RBFOX1: variants seen among roughly 807,000 people sequenced by gnomAD.
The protein encoded by RBFOX1 is RNA binding protein fox-1 homolog 1.
RBFOX1 carries 8 observed loss-of-function variants against 57.7 expected under a neutral mutation model. That is an observed-to-expected ratio of 0.14 (90% CI 0.08 to 0.25). The LOEUF (loss-of-function observed/expected upper bound fraction) is 0.25. RBFOX1 is among the 10% of genes least tolerant of loss of function. RBFOX1 has a pLI of 1.00. For missense variants in RBFOX1, 611 were observed against 548.5 expected (o/e 1.11, Z -1.14); for synonymous variants, 326 against 222.4 (o/e 1.47, Z -4.15).
chr16:5,758,023 C>G (rs1410202272), intron 3 of RBFOX1, among the ~76,000 whole-genome samples: 1 of 152,200 alleles, frequency 6.6e-6, no homozygotes, highest in Admixed American at 6.5e-5. Context: ...AAAAACATCT[C>G]TGGAACTTGC....
In RBFOX1 at chr16:7,010,911, G is replaced by A. The variant is rs554039791; in HGVS notation, c.-15-41146G>A. ...TTTCTTGAGCAGAAGATAGTGTGCT[G>A]ATAAAGTTCTCCCACCAAAGTGAGT... On this transcript the variant is annotated intron_variant, in intron 3 of 15. Transcript: ENST00000550418. 2.6e-5 allele frequency among the ~76,000 whole-genome samples: 4 copies of A among 152,296 alleles called. No individual in the cohort carries two copies. The East Asian group carries it at 7.7e-4, about 29-fold the overall frequency.
At chr16:6,521,894 G>A (rs1007159691) in intron 2 of RBFOX1, among the ~76,000 whole-genome samples, 1 of 152,106 alleles carries the variant, frequency 6.6e-6, no homozygotes, top group Non-Finnish European at 1.5e-5. Context: ...TTTAATCTGT[G>A]TTTGGGTCTT....
chr16:5,878,566 C>G (rs2057678354), intron 4 of RBFOX1, among the ~76,000 whole-genome samples: 1 of 152,180 alleles, frequency 6.6e-6, no homozygotes. Flanking sequence ...TTGCTCAACG[C>G]AATCTTCTCC....
Position 6,245,052 on chromosome 16 carries a change from T to C in RBFOX1, c.-126-71943T>C, listed in dbSNP as rs187514151. ...ATATTAATATTCTTCCTCGTCCTCT[T>C]GTTTGATGGTTTCTTGGCAGAAGCT... is the stretch of plus-strand genomic sequence containing the variant. On this transcript the variant is annotated intron_variant, in intron 1 of 15. Coordinates refer to ENST00000550418, the MANE Select transcript of RBFOX1 (RefSeq NM_018723.4). Among the ~76,000 whole-genome samples, 143 of 152,278 alleles carry C rather than the reference T, an allele frequency of 9.4e-4. 1 individual carries two copies. The highest frequency in any genetic ancestry group is 3.4e-3 in the Middle Eastern group (1 of 294).
In RBFOX1 at chr16:6,314,559, C is replaced by G. The variant is rs564081106; in HGVS notation, c.-126-2436C>G. On this transcript the variant is annotated intron_variant, in intron 1 of 15. Transcript: ENST00000550418. ...GTTTAGGATGAGAGAAGGTTGTAAT[C>G]GAAGGGCTAAAGGAATACTAGTGCA... Among the ~76,000 whole-genome samples, 92 of 152,128 alleles carry G rather than the reference C, an allele frequency of 6.0e-4. No homozygotes were observed. In the South Asian group the frequency reaches 0.018, roughly 31 times the overall value.
chr16:7,146,422 C>G (rs1229055242), intron 4 of RBFOX1, among the ~76,000 whole-genome samples: 4 of 152,146 alleles, frequency 2.6e-5, no homozygotes, highest in African/African-American at 9.7e-5. Context: ...CCTCGCCTAC[C>G]CAGCAGCTCT....
intron 2 of RBFOX1, among the ~76,000 whole-genome samples, chr16:6,409,819 C>A (rs994848415): frequency 6.6e-6 from 1 of 152,182 alleles, no homozygotes; most frequent in Non-Finnish European, 1.5e-5. Flanking sequence ...GCTTCATACA[C>A]TGCTCAGTTT....
chr16:7,292,225 TATAG>T (rs2095798136), intron 4 of RBFOX1, among the ~76,000 whole-genome samples: 1 of 124,522 alleles, frequency 8.0e-6, no homozygotes, highest in Non-Finnish European at 1.6e-5. Context: ...TGATATATGA[TATAG>T]AACGTATTAT....
At chr16:7,699,969 A>G (rs2080126498) in intron 14 of RBFOX1, among the ~76,000 whole-genome samples, 1 of 152,090 alleles carries the variant, frequency 6.6e-6, no homozygotes, top group East Asian at 1.9e-4. Flanking sequence ...GTGTCTTGGT[A>G]TTGGATTTTA....
chr16:5,956,300 A>G (rs2152282883), intron 4 of RBFOX1, among the ~76,000 whole-genome samples: 1 of 152,108 alleles, frequency 6.6e-6, no homozygotes, highest in East Asian at 1.9e-4. Context: ...CAAACTAAAT[A>G]TGTATTAAGC....
At chr16:5,769,890 G>A (rs189862463) in intron 3 of RBFOX1, among the ~76,000 whole-genome samples, 303 of 152,270 alleles carry the variant, frequency 2.0e-3, no homozygotes, top group African/African-American at 6.9e-3. Context: ...CATGACAACC[G>A]TAGGAAATTC....
chr16:6,957,271 A>G (rs898811497), intron 3 of RBFOX1, among the ~76,000 whole-genome samples: 2 of 151,798 alleles, frequency 1.3e-5, no homozygotes, highest in Non-Finnish European at 2.9e-5. Context: ...AGCTGGGACT[A>G]CAGGTGCCCA....
intron 2 of RBFOX1, among the ~76,000 whole-genome samples, chr16:6,608,170 C>T (rs10163344): frequency 0.66 from 100,747 of 152,068 alleles, 33,970 homozygotes; most frequent in Admixed American, 0.74. Flanking sequence ...CTTACCAGAC[C>T]TATTTTGAGT....
At chr16:5,450,949 T>G (rs2068406833) in intron 1 of RBFOX1, among the ~76,000 whole-genome samples, 1 of 152,212 alleles carries the variant, frequency 6.6e-6, no homozygotes, top group Non-Finnish European at 1.5e-5. Flanking sequence ...CTCAGTGTTC[T>G]CATCTGGAAA....
chr16:5,343,733 A>T (rs1276471604), intron 1 of RBFOX1, among the ~76,000 whole-genome samples: 5 of 152,218 alleles, frequency 3.3e-5, no homozygotes, highest in Non-Finnish European at 5.9e-5. Context: ...CCTGGTGACT[A>T]TGTCCGTATG....
chr16:7,456,753 A>G (rs976731908), intron 4 of RBFOX1, among the ~76,000 whole-genome samples: 1 of 152,126 alleles, frequency 6.6e-6, no homozygotes, highest in Admixed American at 6.5e-5. Flanking sequence ...GCTCTGTGCA[A>G]GCAGGCCTGC....
intron 4 of RBFOX1, among the ~76,000 whole-genome samples, chr16:7,500,842 C>G (rs935638231): frequency 2.6e-5 from 4 of 152,196 alleles, no homozygotes; most frequent in African/African-American, 9.7e-5. Flanking sequence ...ATCCCCATGT[C>G]TCGTGAGAGG....
At chr16:6,921,641 A>ATT (rs766460554) in intron 3 of RBFOX1, among the ~76,000 whole-genome samples, 14 of 88,786 alleles carry the variant, frequency 1.6e-4, no homozygotes, top group African/African-American at 7.6e-4. Context: ...ATATATATAT[A>ATT]TATATTTTTT....
intron 2 of RBFOX1, among the ~76,000 whole-genome samples, chr16:6,431,663 TGG>T (rs2094089681): frequency 6.6e-6 from 1 of 152,064 alleles, no homozygotes; most frequent in Non-Finnish European, 1.5e-5. Flanking sequence ...TACAAGGACT[TGG>T]GCACTTAGTC....
Sources: gnomAD v4.1 joint callset for allele counts (sites outside exome capture counted in the v4.1 genomes callset) on GRCh38, gnomAD v4.1.1 for gene constraint, MANE v1.5 for transcripts, NCBI Gene and HGNC (gene_info 2026-07-23, HGNC 2026-07-21) for gene names.